NAALADL2: variants seen among roughly 807,000 people sequenced by gnomAD.
The protein encoded by NAALADL2 is inactive N-acetylated-alpha-linked acidic dipeptidase-like protein 2.
A neutral mutation model predicts 87.2 loss-of-function variants in NAALADL2; 76 were observed. That is an observed-to-expected ratio of 0.87 (90% CI 0.72 to 1.05). NAALADL2 has a LOEUF of 1.05. Among genes scored for constraint, NAALADL2 ranks in the 50% least tolerant of loss-of-function variants. The probability of loss-of-function intolerance (pLI) is 0.00; values close to 1 mark genes in which losing one functional copy is unlikely to be tolerated. For synonymous variants in NAALADL2, 354 were observed against 331.0 expected (o/e 1.07, Z -0.75); for missense variants, 1,089 against 945.8 (o/e 1.15, Z -1.99).
chr3:174,598,938 T>C (rs1718183561), intron 2 of NAALADL2, among the ~76,000 whole-genome samples: 1 of 152,104 alleles, frequency 6.6e-6, no homozygotes, highest in Non-Finnish European at 1.5e-5. Flanking sequence ...GCATGTTGTC[T>C]CTCTGTGGCT....
chr3:174,467,204 C>T (rs767193772), intron 1 of NAALADL2, among the ~76,000 whole-genome samples: 1 of 152,030 alleles, frequency 6.6e-6, no homozygotes, highest in Non-Finnish European at 1.5e-5. Flanking sequence ...ATATATACAC[C>T]CTTTAACATG....
intron 1 of NAALADL2, among the ~76,000 whole-genome samples, chr3:175,075,418 C>T (rs536068257): frequency 7.9e-5 from 12 of 152,256 alleles, no homozygotes; most frequent in African/African-American, 2.9e-4. Context: ...ATTTTACATT[C>T]AGAGGATGAC....
intron 1 of NAALADL2, among the ~76,000 whole-genome samples, chr3:174,930,031 T>C (rs2108408913): frequency 6.6e-6 from 1 of 152,296 alleles, no homozygotes; most frequent in South Asian, 2.1e-4. Flanking sequence ...GCCACCTTAG[T>C]TTCTCTCTTA....
chr3:175,129,952 C>T (rs1189517386), intron 2 of NAALADL2, among the ~76,000 whole-genome samples: 1 of 152,158 alleles, frequency 6.6e-6, no homozygotes, highest in East Asian at 1.9e-4. Flanking sequence ...GTACTTTTCT[C>T]CACATCCTTG....
At chr3:174,784,791 G>T (rs1443198998) in intron 3 of NAALADL2, among the ~76,000 whole-genome samples, 1 of 152,088 alleles carries the variant, frequency 6.6e-6, no homozygotes, top group African/African-American at 2.4e-5. Flanking sequence ...TCAGAATTTT[G>T]GAATGTTTAG....
At chr3:175,016,267 A>T (rs1213594831) in intron 1 of NAALADL2, among the ~76,000 whole-genome samples, 2 of 148,110 alleles carry the variant, frequency 1.4e-5, no homozygotes, top group East Asian at 3.9e-4. Flanking sequence ...ATTTATATAT[A>T]TATATATATA....
intron 2 of NAALADL2, among the ~76,000 whole-genome samples, chr3:174,649,104 CA>C (rs1724097653): frequency 6.6e-6 from 1 of 152,042 alleles, no homozygotes; most frequent in Admixed American, 6.6e-5. Flanking sequence ...GCTGGGATTA[CA>C]GGCTCCTGCC....
chr3:175,035,294 G>A (rs546853321), intron 1 of NAALADL2, among the ~76,000 whole-genome samples: 1 of 152,272 alleles, frequency 6.6e-6, no homozygotes, highest in South Asian at 2.1e-4. Flanking sequence ...TTCCAATGAG[G>A]ATAAGCATTG....
intron 13 of NAALADL2, among the ~76,000 whole-genome samples, chr3:175,788,765 A>G (rs549472454): frequency 1.2e-4 from 19 of 152,246 alleles, no homozygotes; most frequent in African/African-American, 4.6e-4. Context: ...TTAGAAAACA[A>G]TGTTGAAATC....
chr3:175,201,489 C>G (rs954497982), intron 2 of NAALADL2, among the ~76,000 whole-genome samples: 2 of 151,806 alleles, frequency 1.3e-5, no homozygotes, highest in Non-Finnish European at 2.9e-5. Context: ...ATCATGAGCC[C>G]CATGGAATAA....
chr3:175,054,545 T>C (rs1046054577), intron 1 of NAALADL2, among the ~76,000 whole-genome samples: 5 of 152,224 alleles, frequency 3.3e-5, no homozygotes, highest in Admixed American at 2.0e-4. Flanking sequence ...GTTGGAGCTA[T>C]GTGCTCATTT....
intron 9 of NAALADL2, among the ~76,000 whole-genome samples, chr3:175,551,922 C>CAAAAAAAA (rs11456834): frequency 4.0e-4 from 49 of 122,606 alleles, no homozygotes; most frequent in African/African-American, 1.2e-3. Context: ...GACTCTGTCT[C>CAAAAAAAA]AAAAAAAAAA....
intron 9 of NAALADL2, among the ~76,000 whole-genome samples, chr3:175,559,646 A>G (rs1192921238): frequency 1.3e-5 from 2 of 152,120 alleles, no homozygotes; most frequent in Admixed American, 1.3e-4. Flanking sequence ...TTTTATCATG[A>G]AGGGATGTTG....
At chr3:175,236,540 C>T (rs1317407215) in intron 3 of NAALADL2, among the ~76,000 whole-genome samples, 3 of 135,420 alleles carry the variant, frequency 2.2e-5, no homozygotes, top group Non-Finnish European at 4.7e-5. Context: ...AAGAGTGAAA[C>T]TCCTTCTCAA....
At chr3:174,835,255 G>A (rs1228804488) in intron 3 of NAALADL2, among the ~76,000 whole-genome samples, 1 of 151,978 alleles carries the variant, frequency 6.6e-6, no homozygotes, top group Non-Finnish European at 1.5e-5. Flanking sequence ...CTATTTAATG[G>A]GGAAAAGACA....
At chr3:174,656,247 T>C (rs1724912482) in intron 2 of NAALADL2, among the ~76,000 whole-genome samples, 1 of 152,130 alleles carries the variant, frequency 6.6e-6, no homozygotes, top group Non-Finnish European at 1.5e-5. Flanking sequence ...TTACATTCTG[T>C]TACTAAGATT....
chr3:175,281,147 AT>A (rs1350492979), intron 4 of NAALADL2, among the ~76,000 whole-genome samples: 6 of 150,938 alleles, frequency 4.0e-5, no homozygotes, highest in African/African-American at 1.5e-4. Context: ...TGGATTGGTA[AT>A]TGTCACTTAT....
At chr3:175,412,927 A>ATTATTATTATTATTTTTT (rs1216480862) in intron 5 of NAALADL2, among the ~76,000 whole-genome samples, 1 of 145,632 alleles carries the variant, frequency 6.9e-6, no homozygotes, top group Admixed American at 6.9e-5. Context: ...TATTATTATT[A>ATTATTATTATTATTTTTT]TTTTTGAGAC....
At chr3:175,432,907 T>G (rs1718003423) in intron 5 of NAALADL2, among the ~76,000 whole-genome samples, 1 of 152,066 alleles carries the variant, frequency 6.6e-6, no homozygotes, top group Middle Eastern at 3.2e-3. Context: ...TCTGACTGTA[T>G]CACTGCTCTT....
Sources: gnomAD v4.1 joint callset for allele counts (sites outside exome capture counted in the v4.1 genomes callset) on GRCh38, gnomAD v4.1.1 for gene constraint, MANE v1.5 for transcripts, NCBI Gene and HGNC (gene_info 2026-07-23, HGNC 2026-07-21) for gene names.